Variants in ZNF487 observed in about 807,000 individuals in gnomAD.
ZNF487 encodes the protein KRAB domain only 1.
A neutral mutation model predicts 3.0 loss-of-function variants in ZNF487; 4 were observed. That is an observed-to-expected ratio of 1.35 (90% CI 0.66 to 3.08). The LOEUF is 3.08. Ranked by LOEUF, ZNF487 falls within the 30% of genes most tolerant of loss-of-function variation. The pLI is 0.01. For synonymous variants in ZNF487, 55 were observed against 34.6 expected (o/e 1.59, Z -2.06); for missense variants, 146 against 98.7 (o/e 1.48, Z -2.03).
At chr10:43,498,504 C>A in the ZNF487 span, among the ~76,000 whole-genome samples, 1 of 151,010 alleles carries the variant, frequency 6.6e-6, no homozygotes, top group African/African-American at 2.4e-5. Flanking sequence ...GTCACGAACT[C>A]CTGACTCAAG....
the ZNF487 span, among the ~76,000 whole-genome samples, chr10:43,501,997 T>C: frequency 2.6e-5 from 4 of 152,296 alleles, no homozygotes; most frequent in Non-Finnish European, 4.4e-5. Context: ...GATCTAGAAC[T>C]AGAGGTACCA....
chr10:43,512,585 C>T, the ZNF487 span, among the ~76,000 whole-genome samples: 2 of 152,176 alleles, frequency 1.3e-5, no homozygotes, highest in African/African-American at 2.4e-5. Flanking sequence ...CTCCAAAATC[C>T]TAGAAGCTTC....
chr10:43,461,655 A>T (rs953112157), intron 1 of ZNF487, among the ~76,000 whole-genome samples: 1 of 152,164 alleles, frequency 6.6e-6, no homozygotes, highest in South Asian at 2.1e-4. Context: ...TGCCTGTTTC[A>T]GAAAACATGT....
chr10:43,480,045 T>TGC (rs1841288416), intron 3 of ZNF487, among the ~76,000 whole-genome samples: 1 of 20,766 alleles, frequency 4.8e-5, no homozygotes. Context: ...CTTTCTTTCT[T>TGC]TTTCTTTCTT....
At chr10:43,492,821 G>T in the ZNF487 span, among the ~76,000 whole-genome samples, 1 of 152,144 alleles carries the variant, frequency 6.6e-6, no homozygotes, top group African/African-American at 2.4e-5. Context: ...GCAGATTAAT[G>T]GATCTGTCAT....
the ZNF487 span, among the ~76,000 whole-genome samples, chr10:43,500,425 C>CA: frequency 2.6e-5 from 4 of 151,282 alleles, no homozygotes; most frequent in African/African-American, 4.8e-5. Context: ...GACCCTGTCT[C>CA]AAAAAAACAA....
At chr10:43,511,317 C>T in the ZNF487 span, among the ~76,000 whole-genome samples, 1 of 152,100 alleles carries the variant, frequency 6.6e-6, no homozygotes, top group Non-Finnish European at 1.5e-5. Context: ...AGCCCACTGC[C>T]GCACTTTTTT....
intron 1 of ZNF487, among the ~76,000 whole-genome samples, chr10:43,437,712 TC>T (rs1839437582): frequency 1.3e-5 from 2 of 152,296 alleles, no homozygotes; most frequent in Non-Finnish European, 1.5e-5. Flanking sequence ...TTTTCCCAGT[TC>T]CTTCTGAGGA....
intron 1 of ZNF487, among the ~76,000 whole-genome samples, chr10:43,462,049 C>T (rs914936797): frequency 1.3e-5 from 2 of 152,230 alleles, no homozygotes; most frequent in Admixed American, 6.5e-5. Flanking sequence ...AATTCTATCC[C>T]AGTCCTTTTA....
chr10:43,463,522 A>C lies in ZNF487; in HGVS notation c.-93-12199A>C, dbSNP rs1239905677. On this transcript the variant is annotated intron_variant, in intron 1 of 3. Transcript: ENST00000437590. ...CACTGCATTGCAGTCTGGGTTTCAG[A>C]GTGAAACACTGTCTCGAAAAAAAAA... 1.4e-4 allele frequency among the ~76,000 whole-genome samples: 21 copies of C among 151,240 alleles called. 1 individual carries two copies. Among genetic ancestry groups the C allele is most frequent in the Non-Finnish European group, 2.9e-4 (20 of 67,870 alleles).
At chr10:43,486,298 G>A (rs1841470997), downstream of ZNF487, among the ~76,000 whole-genome samples, 1 of 152,096 alleles carries the variant, frequency 6.6e-6, no homozygotes, top group Non-Finnish European at 1.5e-5. Context: ...GCCGAGGAGG[G>A]TGCGGATCAC....
chr10:43,518,849 CTTTCTCACTTGTCCCGT>C, the ZNF487 span, among the ~76,000 whole-genome samples: 1 of 152,202 alleles, frequency 6.6e-6, no homozygotes, highest in Non-Finnish European at 1.5e-5. Flanking sequence ...AATTTTATCA[CTTTCTCACTTGTCCCGT>C]TTGCTCTAGA....
the ZNF487 span, among the ~76,000 whole-genome samples, chr10:43,518,720 C>T: frequency 6.6e-6 from 1 of 152,258 alleles, no homozygotes; most frequent in East Asian, 1.9e-4. Flanking sequence ...TCCCAGGGCT[C>T]TTCTATGCAT....
At chr10:43,463,717 T>C (rs865959528) in intron 1 of ZNF487, among the ~76,000 whole-genome samples, 5 of 150,652 alleles carry the variant, frequency 3.3e-5, no homozygotes, top group Admixed American at 6.6e-5. Flanking sequence ...TCTTTCTTTT[T>C]TTTTTTTTTT....
At chr10:43,457,316 G>T (rs1303441869) in intron 1 of ZNF487, among the ~76,000 whole-genome samples, 1 of 152,024 alleles carries the variant, frequency 6.6e-6, no homozygotes, top group Non-Finnish European at 1.5e-5. Flanking sequence ...CCGTCACTTT[G>T]GGAGGCCGAG....
chr10:43,458,910 G>A (rs1026737437), intron 1 of ZNF487, among the ~76,000 whole-genome samples: 1 of 152,004 alleles, frequency 6.6e-6, no homozygotes, highest in Admixed American at 6.6e-5. Context: ...TTAAATGTAT[G>A]TGTAGATTGT....
At chr10:43,440,827 C>CA (rs1839573096) in intron 1 of ZNF487, among the ~76,000 whole-genome samples, 1 of 151,494 alleles carries the variant, frequency 6.6e-6, no homozygotes, top group Non-Finnish European at 1.5e-5. Flanking sequence ...GTTTGTATCC[C>CA]AAAAAAAGAC....
chr10:43,457,094 C>T (rs1456546319), intron 1 of ZNF487, among the ~76,000 whole-genome samples: 1 of 152,128 alleles, frequency 6.6e-6, no homozygotes, highest in Non-Finnish European at 1.5e-5. Flanking sequence ...AACCACTGAA[C>T]TCCAGAGGGG....
downstream of ZNF487, among the ~76,000 whole-genome samples, chr10:43,484,621 G>A (rs1451095684): frequency 2.0e-5 from 3 of 152,036 alleles, no homozygotes; most frequent in South Asian, 2.1e-4. Flanking sequence ...AAAAAGTTTC[G>A]TGATTTCTTT....
Sources: gnomAD v4.1 joint callset for allele counts (sites outside exome capture counted in the v4.1 genomes callset) on GRCh38, gnomAD v4.1.1 for gene constraint, MANE v1.5 for transcripts, NCBI Gene and HGNC (gene_info 2026-07-23, HGNC 2026-07-21) for gene names.